The following FBXO28 variants were observed in gnomAD, a reference collection of about 807,000 sequenced individuals.
FBXO28 encodes F-box only protein 28.
A neutral mutation model predicts 38.1 loss-of-function variants in FBXO28; 8 were observed. The observed-to-expected ratio is 0.21, with a 90% CI of 0.12 to 0.38. The LOEUF (loss-of-function observed/expected upper bound fraction) is 0.38. Ranked by LOEUF, FBXO28 falls within the 10% of genes least tolerant of loss-of-function variation. The pLI is 1.00. For missense variants in FBXO28, 345 were observed against 460.6 expected, an observed-to-expected ratio of 0.75 and a Z score of 2.30; for synonymous variants, 168 against 173.8, an observed-to-expected ratio of 0.97 and a Z score of 0.26.
rs377575707 is a variant in FBXO28 at position 224,136,908 on chromosome 1, C to G, written c.516+2696C>G. 3.3e-5 allele frequency among the ~76,000 whole-genome samples: 5 copies of G among 151,326 alleles called. No homozygotes were observed. In the South Asian group the frequency reaches 1.0e-3, roughly 32 times the overall value. On this transcript the variant is annotated intron_variant, in intron 3 of 4. Transcript: ENST00000366862. ...CTGAGACTACAGGTGCACACCACCA[C>G]AGCCAGGTAATTTTTGTATTTTTAG...
rs548012001 is a variant in FBXO28 at position 224,131,319 on chromosome 1, T to C, written c.377+738T>C. ...TTTTTTTCCCCAAAACTTGATACAC[T>C]GATCCTAAAATTCCTGTGGAAATAC... is the stretch of plus-strand genomic sequence containing the variant. On this transcript the variant is annotated intron_variant, in intron 2 of 4. Coordinates refer to ENST00000366862, the MANE Select transcript of FBXO28 (RefSeq NM_015176.4). Among the ~76,000 whole-genome samples the C allele has an allele frequency of 2.0e-5, 3 of 152,000 alleles. No individual in the cohort carries two copies. The South Asian group carries it at 6.2e-4, about 32-fold the overall frequency.
intron 1 of FBXO28, among the ~76,000 whole-genome samples, chr1:224,115,107 A>G (rs1656615897): frequency 6.6e-6 from 1 of 152,024 alleles, no homozygotes; most frequent in Non-Finnish European, 1.5e-5. Context: ...TTTATTTTTA[A>G]CTAGTGATTT....
intron 3 of FBXO28, among the ~76,000 whole-genome samples, chr1:224,136,917 A>G (rs980165585): frequency 3.3e-5 from 5 of 150,944 alleles, no homozygotes; most frequent in Non-Finnish European, 7.4e-5. Flanking sequence ...ACAGCCAGGT[A>G]ATTTTTGTAT....
chr1:224,151,627 G>A (rs1305081377), intron 3 of FBXO28, among the ~76,000 whole-genome samples: 4 of 152,170 alleles, frequency 2.6e-5, no homozygotes, highest in African/African-American at 9.7e-5. Context: ...AAATGCAGTG[G>A]GAGGAATATG....
chr1:224,146,107 G>A (rs1032864830), intron 3 of FBXO28, among the ~76,000 whole-genome samples: 4 of 151,290 alleles, frequency 2.6e-5, no homozygotes, highest in Non-Finnish European at 4.4e-5. Context: ...GGTGGCACAC[G>A]CCTGTATTCC....
At chr1:224,151,634 T>A (rs1347892919) in intron 3 of FBXO28, among the ~76,000 whole-genome samples, 1 of 152,142 alleles carries the variant, frequency 6.6e-6, no homozygotes, top group Non-Finnish European at 1.5e-5. Flanking sequence ...GTGGGAGGAA[T>A]ATGTGGGATG....
intron 3 of FBXO28, among the ~76,000 whole-genome samples, chr1:224,140,983 T>G (rs1348886926): frequency 6.8e-6 from 1 of 147,776 alleles, no homozygotes; most frequent in African/African-American, 2.5e-5. Context: ...AGAAAAGATA[T>G]GCCAGCCTGG....
At chr1:224,152,140 C>T (rs1657662820) in intron 3 of FBXO28, among the ~76,000 whole-genome samples, 6 of 151,492 alleles carry the variant, frequency 4.0e-5, no homozygotes, top group Admixed American at 3.3e-4. Flanking sequence ...TCACAAATGC[C>T]TAAGGAAGGT....
At chr1:224,125,637 AT>A (rs1431491184) in intron 1 of FBXO28, among the ~76,000 whole-genome samples, 3 of 143,012 alleles carry the variant, frequency 2.1e-5, no homozygotes, top group African/African-American at 7.7e-5. Context: ...AAGGATACTC[AT>A]TCTCTTTTTT....
intron 3 of FBXO28, among the ~76,000 whole-genome samples, chr1:224,150,413 C>G (rs1236051549): frequency 6.6e-6 from 1 of 151,902 alleles, no homozygotes; most frequent in African/African-American, 2.4e-5. Context: ...AATTAATATC[C>G]TAGCACTATA....
intron 3 of FBXO28, among the ~76,000 whole-genome samples, chr1:224,136,248 TCTCATG>T (rs1223475567): frequency 6.6e-6 from 1 of 151,844 alleles, no homozygotes; most frequent in African/African-American, 2.4e-5. Flanking sequence ...TTTTTGTACT[TCTCATG>T]CTTAAACTTT....
intron 3 of FBXO28, among the ~76,000 whole-genome samples, chr1:224,139,780 A>G (rs1278826447): frequency 7.3e-5 from 11 of 151,240 alleles, no homozygotes; most frequent in Admixed American, 5.3e-4. Flanking sequence ...ATACATACAT[A>G]CATACATACA....
At chr1:224,125,858 A>C (rs1035721667) in intron 1 of FBXO28, among the ~76,000 whole-genome samples, 4 of 151,944 alleles carry the variant, frequency 2.6e-5, no homozygotes, top group African/African-American at 9.7e-5. Flanking sequence ...CAAACTCCTG[A>C]CCTCAAGTGA....
intron 2 of FBXO28, among the ~76,000 whole-genome samples, chr1:224,132,194 G>A (rs1186887232): frequency 6.6e-6 from 1 of 152,144 alleles, no homozygotes; most frequent in Non-Finnish European, 1.5e-5. Context: ...GGAAGTTTCA[G>A]TGAGCCAAGA....
intron 1 of FBXO28, among the ~76,000 whole-genome samples, chr1:224,122,695 A>G (rs561845357): frequency 2.2e-4 from 33 of 151,946 alleles, no homozygotes; most frequent in South Asian, 1.7e-3. Context: ...TCTGTAATTC[A>G]CATTTGTCTA....
At chr1:224,121,373 G>A (rs557001644) in intron 1 of FBXO28, among the ~76,000 whole-genome samples, 4 of 152,284 alleles carry the variant, frequency 2.6e-5, no homozygotes, top group South Asian at 4.1e-4. Flanking sequence ...AATATCTAGG[G>A]TATATACGCA....
intron 3 of FBXO28, among the ~76,000 whole-genome samples, chr1:224,135,796 G>A (rs186072584): frequency 3.3e-5 from 5 of 152,116 alleles, no homozygotes; most frequent in Non-Finnish European, 7.4e-5. Flanking sequence ...CCACACTTTG[G>A]GAGGCCGAGA....
chr1:224,149,339 A>G (rs1657586045), intron 3 of FBXO28, among the ~76,000 whole-genome samples: 1 of 148,672 alleles, frequency 6.7e-6, no homozygotes, highest in Admixed American at 6.8e-5. Flanking sequence ...TCATGGGACT[A>G]TAGGCATGCG....
intron 1 of FBXO28, among the ~76,000 whole-genome samples, chr1:224,117,164 G>GTTTTTT (rs1656660451): frequency 1.1e-5 from 1 of 89,302 alleles, no homozygotes; most frequent in African/African-American, 5.0e-5. Context: ...AAATAAATTG[G>GTTTTTT]ATTTTTTTTT....
Sources: gnomAD v4.1 joint callset for allele counts (sites outside exome capture counted in the v4.1 genomes callset) on GRCh38, gnomAD v4.1.1 for gene constraint, MANE v1.5 for transcripts, NCBI Gene and HGNC (gene_info 2026-07-23, HGNC 2026-07-21) for gene names.